Variants in NKAIN3 observed in about 807,000 individuals in gnomAD.
The protein encoded by NKAIN3 is sodium/potassium transporting ATPase interacting 3, also known as sodium/potassium-transporting ATPase subunit beta-1-interacting protein 3.
In NKAIN3, 25 loss-of-function variants were observed where a neutral mutation model predicts 30.2. That is an observed-to-expected ratio of 0.83 (90% CI 0.60 to 1.16). The LOEUF (loss-of-function observed/expected upper bound fraction) is 1.16, where lower values mean the gene tolerates loss of function less well. Among genes scored for constraint, NKAIN3 ranks in the 50% most tolerant of loss-of-function variants. NKAIN3 has a pLI of 0.00. For synonymous variants in NKAIN3, 91 were observed against 89.6 expected (o/e 1.02, Z -0.09); for missense variants, 225 against 254.1 (o/e 0.89, Z 0.78).
intron 4 of NKAIN3, among the ~76,000 whole-genome samples, chr8:62,896,155 C>T (rs1452470057): frequency 1.3e-5 from 2 of 151,992 alleles, no homozygotes; most frequent in African/African-American, 2.4e-5. Context: ...TAGTCAGGCT[C>T]GGGTGAGGGC....
intron 5 of NKAIN3, among the ~76,000 whole-genome samples, chr8:62,992,847 G>A (rs1255342916): frequency 1.3e-5 from 2 of 152,106 alleles, no homozygotes; most frequent in East Asian, 1.9e-4. Flanking sequence ...GCTGCATAAC[G>A]AAGTTGAATC....
chr8:62,853,170 A>G (rs528096521), intron 4 of NKAIN3, among the ~76,000 whole-genome samples: 6 of 152,284 alleles, frequency 3.9e-5, no homozygotes, highest in African/African-American at 1.4e-4. Context: ...TAGAATAGTT[A>G]GCTCTGCTTG....
intron 4 of NKAIN3, among the ~76,000 whole-genome samples, chr8:62,867,099 G>C (rs1053225633): frequency 7.7e-6 from 1 of 130,054 alleles, no homozygotes; most frequent in Non-Finnish European, 1.6e-5. Context: ...TTTGTTTCCA[G>C]AAAAAAAAAA....
chr8:62,797,375 T>C (rs1490310827), intron 4 of NKAIN3, among the ~76,000 whole-genome samples: 1 of 152,210 alleles, frequency 6.6e-6, no homozygotes, highest in Non-Finnish European at 1.5e-5. Flanking sequence ...TGTGTACACA[T>C]GTAAGTTAAA....
intron 3 of NKAIN3, among the ~76,000 whole-genome samples, chr8:62,706,198 A>G (rs1814514280): frequency 6.6e-6 from 1 of 152,144 alleles, no homozygotes; most frequent in Admixed American, 6.6e-5. Flanking sequence ...GTTTGCATTC[A>G]GTATTCAGTA....
intron 5 of NKAIN3, among the ~76,000 whole-genome samples, chr8:62,927,050 A>T (rs1230477391): frequency 6.6e-6 from 1 of 152,164 alleles, no homozygotes; most frequent in East Asian, 1.9e-4. Context: ...CCTTGACTCC[A>T]ACTGGCATGA....
At chr8:62,359,686 G>A (rs1229960754) in intron 1 of NKAIN3, among the ~76,000 whole-genome samples, 1 of 152,210 alleles carries the variant, frequency 6.6e-6, no homozygotes, top group Non-Finnish European at 1.5e-5. Flanking sequence ...TTGGAAGCCA[G>A]AGTAATAGCA....
chr8:62,576,136 C>T (rs780638430), intron 1 of NKAIN3, among the ~76,000 whole-genome samples: 28 of 152,022 alleles, frequency 1.8e-4, no homozygotes, highest in Non-Finnish European at 3.4e-4. Context: ...AGTTAAAAAG[C>T]TTCTGCACAG....
chr8:62,988,202 T>TG (rs1339008520), downstream of NKAIN3, among the ~76,000 whole-genome samples: 1 of 152,188 alleles, frequency 6.6e-6, no homozygotes, highest in African/African-American at 2.4e-5. Context: ...TTTCATGGGC[T>TG]GGTTATGAGT....
chr8:62,883,457 G>GTTTTTTT lies in NKAIN3; in HGVS notation c.472-34986_472-34980dup, dbSNP rs71559381. On this transcript the variant is annotated intron_variant, in intron 4 of 6. Transcript: ENST00000623646. ...TTTATTATTTCCAGGAGTTTTATGG[G>GTTTTTTT]TTTTTTTTTTTTTTTTCAGATTTTC... Among the ~76,000 whole-genome samples, 3 of 70,226 alleles carry GTTTTTTT rather than the reference G, an allele frequency of 4.3e-5. 1 individual carries two copies. The highest frequency in any genetic ancestry group is 7.2e-5 in the Non-Finnish European group (3 of 41,382). 46.1% of individuals were successfully genotyped at this position (70,226 alleles called of 152,430 possible).
intron 4 of NKAIN3, among the ~76,000 whole-genome samples, chr8:62,809,757 C>G (rs778785155): frequency 6.6e-6 from 1 of 152,188 alleles, no homozygotes; most frequent in African/African-American, 2.4e-5. Context: ...TTTAATATCT[C>G]TACACTTTAC....
chr8:62,492,085 T>G (rs1807084258), intron 1 of NKAIN3, among the ~76,000 whole-genome samples: 1 of 152,078 alleles, frequency 6.6e-6, no homozygotes, highest in Non-Finnish European at 1.5e-5. Context: ...TGCAATCCCT[T>G]GAGACAAAAA....
At chr8:62,690,452 C>T (rs562599851) in intron 3 of NKAIN3, among the ~76,000 whole-genome samples, 1 of 152,348 alleles carries the variant, frequency 6.6e-6, no homozygotes, top group East Asian at 1.9e-4. Context: ...CCCTTGAAAG[C>T]TTTATTCTCG....
rs78091558 is a variant in NKAIN3 at position 62,677,810 on chromosome 8, A to G, written c.274-69122A>G. Among the ~76,000 whole-genome samples the G allele has an allele frequency of 2.0e-5, 3 of 152,194 alleles. No homozygotes were observed. The East Asian group carries it at 5.8e-4, about 29-fold the overall frequency. On this transcript the variant is annotated intron_variant, in intron 3 of 6. Transcript: ENST00000623646. ...ACCCACCTGTGCATCTCTGATGTCT[A>G]GGACTCCTCCTTAGGCCATGGTGCT...
At chr8:62,614,617 G>A (rs1811393845) in intron 3 of NKAIN3, among the ~76,000 whole-genome samples, 1 of 152,162 alleles carries the variant, frequency 6.6e-6, no homozygotes, top group South Asian at 2.1e-4. Flanking sequence ...CCCTGGATGA[G>A]TCCAGAAGTC....
At chr8:62,553,320 T>C (rs2129944758) in intron 1 of NKAIN3, among the ~76,000 whole-genome samples, 1 of 152,322 alleles carries the variant, frequency 6.6e-6, no homozygotes, top group African/African-American at 2.4e-5. Context: ...AGTTTGTCTT[T>C]TCTTTCTCTG....
intron 1 of NKAIN3, among the ~76,000 whole-genome samples, chr8:62,497,204 T>A (rs373774811): frequency 4.2e-4 from 64 of 151,494 alleles, no homozygotes; most frequent in African/African-American, 1.4e-3. Flanking sequence ...TTAGAAAAAA[T>A]CAAAATGCAC....
chr8:62,486,576 A>C (rs1006436085), intron 1 of NKAIN3, among the ~76,000 whole-genome samples: 1 of 152,188 alleles, frequency 6.6e-6, no homozygotes, highest in African/African-American at 2.4e-5. Context: ...CATCCCTTGC[A>C]CTTGTATCTG....
chr8:62,926,930 G>A (rs983356461), intron 5 of NKAIN3, among the ~76,000 whole-genome samples: 2 of 151,580 alleles, frequency 1.3e-5, no homozygotes, highest in African/African-American at 4.9e-5. Context: ...TTTTCTCTCT[G>A]TCCCCTCCCC....
Sources: gnomAD v4.1 joint callset for allele counts (sites outside exome capture counted in the v4.1 genomes callset) on GRCh38, gnomAD v4.1.1 for gene constraint, MANE v1.5 for transcripts, NCBI Gene and HGNC (gene_info 2026-07-23, HGNC 2026-07-21) for gene names.